HECW1: variants seen among roughly 807,000 people sequenced by gnomAD.
HECW1 encodes the protein E3 ubiquitin-protein ligase HECW1.
HECW1 carries 61 observed loss-of-function variants against 182.3 expected under a neutral mutation model. The ratio of observed to expected loss-of-function variants is 0.33; its 90% CI spans 0.27 to 0.41. The LOEUF (loss-of-function observed/expected upper bound fraction) is 0.41. HECW1 is among the 10% of genes least tolerant of loss of function. The pLI, the probability that HECW1 is intolerant of heterozygous loss-of-function variation, is 1.00. For missense variants in HECW1, 1,739 were observed against 2,108.9 expected (o/e 0.82, Z 3.44); for synonymous variants, 859 against 832.6 (o/e 1.03, Z -0.55).
chr7:43,376,347 CT>C (rs1340207855), intron 6 of HECW1, among the ~76,000 whole-genome samples: 18 of 152,154 alleles, frequency 1.2e-4, no homozygotes, highest in Non-Finnish European at 2.5e-4. Context: ...TCATCTCTGA[CT>C]GCAGAGCCAG....
chr7:43,454,883 G>GC (rs2152887446), intron 12 of HECW1, among the ~76,000 whole-genome samples: 1 of 152,250 alleles, frequency 6.6e-6, no homozygotes, highest in Non-Finnish European at 1.5e-5. Flanking sequence ...AGTCACTTTT[G>GC]CTTTTCCTTC....
At chr7:43,164,664 G>A (rs1157404158) in intron 2 of HECW1, among the ~76,000 whole-genome samples, 2 of 152,220 alleles carry the variant, frequency 1.3e-5, no homozygotes, top group Non-Finnish European at 2.9e-5. Flanking sequence ...GTGTTTCAGG[G>A]CCACTGGACT....
Position 43,134,945 on chromosome 7 carries a change from C to CTAGGTA in HECW1, c.-32+20557_-32+20562dup, listed in dbSNP as rs527644497. Among the ~76,000 whole-genome samples, 239 of 152,230 alleles carry CTAGGTA rather than the reference C, an allele frequency of 1.6e-3. 1 individual carries two copies. The highest frequency in any genetic ancestry group is 4.4e-3 in the South Asian group (21 of 4,816). On this transcript the variant is annotated intron_variant, in intron 2 of 29. Transcript: ENST00000395891. Reference sequence around the variant, plus strand: ...GTATCAGAGCATTTTGCTAAAATGTCTAGGTATATAGGTTTTTGCTCTCGT... The same window carrying CTAGGTA: ...GTATCAGAGCATTTTGCTAAAATGTCTAGGTATAGGTATATAGGTTTTTGCTCTCGT...
In HECW1 at chr7:43,312,063, G is replaced by A; in HGVS notation, c.328G>A (p.Asp110Asn). The change falls in exon 4 of 30, where the codon GAC becomes AAC. Residue 110 changes from aspartate (D) to asparagine (N), a missense_variant. Around this residue, in one of 5 missense-constraint regions of HECW1, gnomAD observed 279 missense variants for 353.1 expected, o/e 0.79. Coordinates refer to ENST00000395891, the MANE Select transcript of HECW1 (RefSeq NM_015052.5). ...WDIKEEVDAG[D>N]WIGMYLIDEV... ...CATAAAGGAGGAAGTGGACGCTGGG[G>A]ACTGGATTGGCATGTACCTCATTGG... 6.2e-7 allele frequency: 1 copy of A among 1,614,208 alleles called. No homozygotes were observed. Among genetic ancestry groups the A allele is most frequent in the Non-Finnish European group, 8.5e-7 (1 of 1,180,032 alleles).
rs781181352 is a variant in HECW1, at chr7:43,438,032, C to T, written c.831C>T (p.Asp277=). ...EQFSFVSLPT[D]VLEIEVKDKF... ...TCAGTTTTGTGTCCTTGCCCACTGA[C>T]GTGCTGGAAATTGAGGTGAAGGACA... The change falls in exon 9 of 30, where the codon GAC becomes GAT. Residue 277 remains aspartate (D), a synonymous_variant. Transcript: ENST00000395891. 136 of 1,613,900 alleles carry T rather than the reference C, an allele frequency of 8.4e-5. No homozygotes were observed. The highest frequency in any genetic ancestry group is 9.7e-5 in the Non-Finnish European group (115 of 1,179,964).
At chr7:43,473,939 C>T (rs1013907592) in intron 16 of HECW1, among the ~76,000 whole-genome samples, 20 of 152,018 alleles carry the variant, frequency 1.3e-4, no homozygotes, top group Non-Finnish European at 2.6e-4. Context: ...CCAAGCATAA[C>T]AGTTATGGCA....
chr7:43,353,964 G>T (rs1814778989), intron 5 of HECW1, among the ~76,000 whole-genome samples: 1 of 152,144 alleles, frequency 6.6e-6, no homozygotes. Flanking sequence ...GATCCCCTTG[G>T]CATGAGCCCT....
intron 17 of HECW1, among the ~76,000 whole-genome samples, chr7:43,488,434 G>GAGAAAGAAAGAAAAAGAAAGAAAGAA (rs1554440501): frequency 5.4e-5 from 5 of 93,080 alleles, no homozygotes; most frequent in African/African-American, 2.2e-4. Flanking sequence ...AAGAAAGAAA[G>GAGAAAGAAAGAAAAAGAAAGAAAGAA]AGAAAGAAAG....
intron 4 of HECW1, among the ~76,000 whole-genome samples, chr7:43,312,514 C>A (rs1808662391): frequency 6.6e-6 from 1 of 152,252 alleles, no homozygotes; most frequent in Admixed American, 6.5e-5. Context: ...AACATTCTTA[C>A]TGCTTTGTAT....
At chr7:43,461,692 C>T (rs1410581618) in intron 13 of HECW1, among the ~76,000 whole-genome samples, 2 of 152,150 alleles carry the variant, frequency 1.3e-5, no homozygotes, top group Non-Finnish European at 2.9e-5. Context: ...CACAGATGTA[C>T]GGGGTGGTGA....
chr7:43,252,049 G>T (rs1409428132), intron 3 of HECW1, among the ~76,000 whole-genome samples: 1 of 152,078 alleles, frequency 6.6e-6, no homozygotes, highest in Non-Finnish European at 1.5e-5. Flanking sequence ...AACCAATGTT[G>T]GTCTAGAATT....
chr7:43,518,249 C>T (rs974761813), intron 24 of HECW1, among the ~76,000 whole-genome samples: 1 of 152,148 alleles, frequency 6.6e-6, no homozygotes, highest in African/African-American at 2.4e-5. Context: ...AATTCCAACA[C>T]TTTAGGAGGC....
intron 3 of HECW1, 154 bp from the exon 4 acceptor site, chr7:43,311,609 C>T (rs369380779): frequency 4.4e-5 from 35 of 796,450 alleles, no homozygotes; most frequent in African/African-American, 4.2e-4. Flanking sequence ...GCCTTTGTCA[C>T]GAGGAAGATG....
intron 16 of HECW1, among the ~76,000 whole-genome samples, chr7:43,473,107 A>G (rs755177727): frequency 1.2e-4 from 19 of 152,268 alleles, no homozygotes; most frequent in Non-Finnish European, 2.2e-4. Flanking sequence ...TCACCTTATT[A>G]GTTCCCTCTA....
At chr7:43,494,123 C>A (rs1011386696) in intron 19 of HECW1, among the ~76,000 whole-genome samples, 2 of 152,116 alleles carry the variant, frequency 1.3e-5, no homozygotes, top group Non-Finnish European at 2.9e-5. Context: ...TTGCCACTCC[C>A]GCCAGAATGG....
At position 43,468,980 on chromosome 7, in the gene HECW1, C is replaced by T. The variant is rs758956129; in HGVS notation, c.2974C>T (p.Arg992Trp). 8.1e-6 allele frequency: 13 copies of T among 1,614,208 alleles called. No individual in the cohort carries two copies. The highest frequency in any genetic ancestry group is 2.2e-5 in the East Asian group (1 of 44,874). Residue 992 changes from arginine to tryptophan, a missense_variant, in exon 16 of 30, where the codon CGG becomes TGG. By Grantham distance (101) the Arg-to-Trp change is moderately radical. Around this residue, in one of 5 missense-constraint regions of HECW1, gnomAD observed 971 missense variants for 1,029.1 expected, o/e 0.94. Coordinates refer to ENST00000395891, the MANE Select transcript of HECW1 (RefSeq NM_015052.5). ...AAAGCACATGATTCTGAAAGTCCGA[C>T]GGGATGCTCGCAATTTTGAACGCTA... is the stretch of plus-strand genomic sequence containing the variant. ...CLKHMILKVR[R>W]DARNFERYQH...
chr7:43,181,234 CCATT>C (rs1439766519), intron 2 of HECW1, among the ~76,000 whole-genome samples: 1 of 150,806 alleles, frequency 6.6e-6, no homozygotes, highest in Admixed American at 6.6e-5. Context: ...CATACTTTAT[CCATT>C]CATGTCTTGA....
chr7:43,380,892 A>G (rs573736900), intron 6 of HECW1, among the ~76,000 whole-genome samples: 1 of 152,324 alleles, frequency 6.6e-6, no homozygotes, highest in African/African-American at 2.4e-5. Flanking sequence ...GTTTATGCAT[A>G]TGATAATTTT....
intron 6 of HECW1, among the ~76,000 whole-genome samples, chr7:43,394,432 C>G (rs2075155858): frequency 6.6e-6 from 1 of 152,172 alleles, no homozygotes; most frequent in Non-Finnish European, 1.5e-5. Flanking sequence ...AAGCCAATCA[C>G]TGAGACAATG....
Sources: gnomAD v4.1 joint callset for allele counts (sites outside exome capture counted in the v4.1 genomes callset) on GRCh38, gnomAD v4.1.1 for gene constraint, gnomAD v4.1.1 regional missense constraint, MANE v1.5 for transcripts, NCBI Gene and HGNC (gene_info 2026-07-23, HGNC 2026-07-21) for gene names.